The following CNTN4 variants were observed in gnomAD, a reference collection of about 807,000 sequenced individuals.
CNTN4 encodes the protein contactin 4, also known as contactin-4.
CNTN4 carries 77 observed loss-of-function variants against 122.5 expected under a neutral mutation model. The ratio of observed to expected loss-of-function variants is 0.63; its 90% CI spans 0.52 to 0.76. CNTN4 has a LOEUF of 0.76. Among genes scored for constraint, CNTN4 ranks in the 30% least tolerant of loss-of-function variants. The pLI is 0.00. For synonymous variants in CNTN4, 512 were observed against 447.0 expected, an observed-to-expected ratio of 1.15 and a Z score of -1.83; for missense variants, 1,256 against 1,259.1, an observed-to-expected ratio of 1.00 and a Z score of 0.04.
At chr3:3,003,764 T>C (rs1365561994) in intron 14 of CNTN4, among the ~76,000 whole-genome samples, 1 of 151,858 alleles carries the variant, frequency 6.6e-6, no homozygotes, top group Non-Finnish European at 1.5e-5. Context: ...ATTTATTTAT[T>C]TTTGAGACAG....
intron 2 of CNTN4, among the ~76,000 whole-genome samples, chr3:2,329,145 TC>T (rs1359767537): frequency 6.6e-6 from 1 of 152,144 alleles, no homozygotes; most frequent in African/African-American, 2.4e-5. Flanking sequence ...TAAATACACA[TC>T]AACTTAAACT....
rs527446609 is a variant in CNTN4 at position 2,882,361 on chromosome 3, G to A, written c.653-784G>A. Among the ~76,000 whole-genome samples, 5 of 149,266 alleles carry A rather than the reference G, an allele frequency of 3.3e-5. No homozygotes were observed. In the East Asian group the frequency reaches 5.9e-4, roughly 18 times the overall value. The stretch of plus-strand genomic sequence containing the variant: ...AGCCTGGGTGACAGAGCGAGACTTC[G>A]TCTCGAAAAAAAAAAAAAGAAAAAG... On this transcript the variant is annotated intron_variant, in intron 8 of 24. Coordinates refer to ENST00000418658, the MANE Select transcript of CNTN4 (RefSeq NM_175607.3).
At chr3:2,257,700 A>T (rs1268947654) in intron 2 of CNTN4, among the ~76,000 whole-genome samples, 2 of 152,212 alleles carry the variant, frequency 1.3e-5, no homozygotes, top group Non-Finnish European at 2.9e-5. Flanking sequence ...ATCACTGGTC[A>T]TTAGAGAAAC....
chr3:2,815,415 C>T (rs905183550), intron 6 of CNTN4, among the ~76,000 whole-genome samples: 1 of 152,042 alleles, frequency 6.6e-6, no homozygotes, highest in African/African-American at 2.4e-5. Flanking sequence ...ACAGTCCCAT[C>T]AAAAAAGTGG....
chr3:2,687,013 C>T (rs997755082), intron 4 of CNTN4, among the ~76,000 whole-genome samples: 3 of 152,068 alleles, frequency 2.0e-5, no homozygotes, highest in African/African-American at 7.2e-5. Flanking sequence ...TTCCTTAGCT[C>T]AGAGGTGTTA....
At chr3:2,297,263 A>C (rs1343005980) in intron 2 of CNTN4, among the ~76,000 whole-genome samples, 1 of 152,228 alleles carries the variant, frequency 6.6e-6, no homozygotes, top group Non-Finnish European at 1.5e-5. Flanking sequence ...TACATCTAAA[A>C]GGAATGCAGG....
intron 3 of CNTN4, among the ~76,000 whole-genome samples, chr3:2,448,725 A>T (rs1432127198): frequency 6.6e-6 from 1 of 152,196 alleles, no homozygotes; most frequent in African/African-American, 2.4e-5. Context: ...AGTACAGGAC[A>T]ATATAGAGAA....
At chr3:2,274,905 A>G (rs1350876558) in intron 2 of CNTN4, among the ~76,000 whole-genome samples, 2 of 152,198 alleles carry the variant, frequency 1.3e-5, no homozygotes, top group Non-Finnish European at 2.9e-5. Flanking sequence ...CTGAGTACTG[A>G]TGATCCATCT....
chr3:2,171,435 C>A (rs898962664), intron 2 of CNTN4, among the ~76,000 whole-genome samples: 1 of 152,206 alleles, frequency 6.6e-6, no homozygotes, highest in East Asian at 1.9e-4. Flanking sequence ...GAAACTAATA[C>A]CAACTTCAAG....
chr3:3,015,935 T>C (rs1697716379), intron 14 of CNTN4, among the ~76,000 whole-genome samples: 1 of 152,196 alleles, frequency 6.6e-6, no homozygotes, highest in Non-Finnish European at 1.5e-5. Context: ...TTCTTACACA[T>C]TGACTATGAT....
In CNTN4 at chr3:2,163,856, C is replaced by G. The variant is rs1432394724; in HGVS notation, c.-145+63217C>G. The stretch of plus-strand genomic sequence containing the variant: ...AAAGTCAAAAAATAATAGATATTGG[C>G]CTGAAAGTGGTGAAAAGGTAACACT... On this transcript the variant is annotated intron_variant, in intron 2 of 24. Coordinates refer to ENST00000418658, the MANE Select transcript of CNTN4 (RefSeq NM_175607.3). Among the ~76,000 whole-genome samples, 4 of 152,002 alleles carry G rather than the reference C, an allele frequency of 2.6e-5. No individual in the cohort carries two copies. In the South Asian group the frequency reaches 8.3e-4, roughly 31 times the overall value.
intron 2 of CNTN4, among the ~76,000 whole-genome samples, chr3:2,279,818 G>T (rs958001918): frequency 6.6e-6 from 1 of 151,154 alleles, no homozygotes; most frequent in Non-Finnish European, 1.5e-5. Flanking sequence ...TCACAATTCT[G>T]TGTAAAGATA....
rs1257127837 is a variant in CNTN4 at position 2,427,080 on chromosome 3, A to G, written c.-89+87847A>G. ...TTGTGTCTCTATCTCCTTCAGTTCT[A>G]CTCTGATCTTAGTTATTTCTTGCCT... On this transcript the variant is annotated intron_variant, in intron 3 of 24. Transcript: ENST00000418658. Among the ~76,000 whole-genome samples the G allele has an allele frequency of 4.0e-5, 6 of 150,750 alleles. No homozygotes were observed. The South Asian group carries it at 8.4e-4, about 21-fold the overall frequency.
At chr3:2,680,548 C>T (rs1379488098) in intron 4 of CNTN4, among the ~76,000 whole-genome samples, 3 of 152,160 alleles carry the variant, frequency 2.0e-5, no homozygotes, top group Non-Finnish European at 2.9e-5. Context: ...ATTTCATAAC[C>T]GGAGATGTGT....
chr3:2,404,775 T>C (rs2046973417), intron 3 of CNTN4, among the ~76,000 whole-genome samples: 1 of 152,204 alleles, frequency 6.6e-6, no homozygotes, highest in Non-Finnish European at 1.5e-5. Context: ...GAATTCGGCC[T>C]ATAACATCTC....
chr3:2,270,827 C>T (rs1274116497), intron 2 of CNTN4, among the ~76,000 whole-genome samples: 1 of 152,104 alleles, frequency 6.6e-6, no homozygotes, highest in Non-Finnish European at 1.5e-5. Flanking sequence ...TCATTTCTTA[C>T]AGTTCAGCTG....
At chr3:2,850,347 G>A (rs923477361) in intron 7 of CNTN4, among the ~76,000 whole-genome samples, 1 of 152,186 alleles carries the variant, frequency 6.6e-6, no homozygotes, top group East Asian at 1.9e-4. Context: ...CTATTTTCCA[G>A]ATCTTTCCAC....
intron 3 of CNTN4, among the ~76,000 whole-genome samples, chr3:2,568,853 T>A (rs1050963171): frequency 6.6e-6 from 1 of 152,216 alleles, no homozygotes; most frequent in Middle Eastern, 3.2e-3. Flanking sequence ...GTAAATACTA[T>A]CATATCATGA....
At chr3:2,659,798 T>A (rs2083787270) in intron 4 of CNTN4, among the ~76,000 whole-genome samples, 1 of 152,214 alleles carries the variant, frequency 6.6e-6, no homozygotes, top group Non-Finnish European at 1.5e-5. Flanking sequence ...TTTCTTTTGA[T>A]GTGGTGATGT....
Sources: allele counts gnomAD v4.1 joint callset (sites outside exome capture counted in the v4.1 genomes callset), GRCh38; gene constraint gnomAD v4.1.1; transcripts MANE v1.5; gene names NCBI Gene and HGNC (gene_info 2026-07-23, HGNC 2026-07-21).